PCDH9: variants seen among roughly 807,000 people sequenced by gnomAD.
The protein encoded by PCDH9 is protocadherin-9.
Under a neutral mutation model 70.6 loss-of-function variants are expected in PCDH9, and 24 were observed. The ratio of observed to expected loss-of-function variants is 0.34; its 90% confidence interval spans 0.25 to 0.48. The LOEUF is 0.48. Ranked by LOEUF, PCDH9 falls within the 20% of genes least tolerant of loss-of-function variation. The pLI, the probability that PCDH9 is intolerant of heterozygous loss-of-function variation, is 0.99. For missense variants in PCDH9, 1,281 were observed against 1,503.6 expected (o/e 0.85, Z 2.45); for synonymous variants, 562 against 558.5 (o/e 1.01, Z -0.09).
intron 2 of PCDH9, among the ~76,000 whole-genome samples, chr13:67,069,627 T>C (rs1680357057): frequency 6.6e-6 from 1 of 152,196 alleles, no homozygotes; most frequent in Non-Finnish European, 1.5e-5. Flanking sequence ...CTCACGCTAG[T>C]GCTTTTCACA....
intron 2 of PCDH9, chr13:67,202,180 A>G (rs1260320689): frequency 6.6e-6 from 1 of 152,132 alleles, no homozygotes; most frequent in African/African-American, 2.4e-5. Context: ...GAGAAGGACC[A>G]TTCAACCATC....
At chr13:67,212,363 T>A (rs1382150753) in intron 2 of PCDH9, 4 of 152,096 alleles carry the variant, frequency 2.6e-5, no homozygotes, top group Admixed American at 6.6e-5. Context: ...ATATTTTTTT[T>A]AATAAGGAAA....
intron 4 of PCDH9, among the ~76,000 whole-genome samples, chr13:66,532,000 T>C (rs1279111066): frequency 6.6e-6 from 1 of 152,142 alleles, no homozygotes; most frequent in African/African-American, 2.4e-5. Context: ...TTTGTTTTTG[T>C]TTGAGAGACA....
rs56054443 is a variant in PCDH9, at chr13:67,092,194, G to A, written c.3036+133211C>T. Among the ~76,000 whole-genome samples, 812 of 152,092 alleles carry A rather than the reference G, an allele frequency of 5.3e-3. 7 individuals carry two copies. Among genetic ancestry groups the A allele is most frequent in the African/African-American group, 0.019 (778 of 41,476 alleles). On this transcript the variant is annotated intron_variant, in intron 2 of 4. Transcript: ENST00000377865. ...TGGGTTGTTCTTAGATTTTTAAAAT[G>A]GAATTTTAAATTTCTTTATATCTAT...
chr13:66,509,363 G>A (rs1959352305), intron 4 of PCDH9, among the ~76,000 whole-genome samples: 1 of 152,184 alleles, frequency 6.6e-6, no homozygotes, highest in Admixed American at 6.5e-5. Flanking sequence ...CCCAGTCTCT[G>A]TGGGAGGTTA....
At position 66,504,463 on chromosome 13, in the gene PCDH9, G is replaced by A. The variant is rs115456913; in HGVS notation, c.3340+126747C>T. ...CCCAAAGTTCAGGTGGATTCCAGCT[G>A]AACACAGCTGCAAGAGTAAGCCCAG... On this transcript the variant is annotated intron_variant, in intron 4 of 4. Transcript: ENST00000377865. Among the ~76,000 whole-genome samples the A allele has an allele frequency of 7.7e-3, 1,169 of 152,250 alleles. 11 individuals carry two copies. The highest frequency in any genetic ancestry group is 0.027 in the African/African-American group (1,132 of 41,558).
intron 3 of PCDH9, among the ~76,000 whole-genome samples, chr13:66,743,399 A>G (rs1050841137): frequency 2.0e-4 from 29 of 144,386 alleles, no homozygotes; most frequent in South Asian, 1.9e-3. Flanking sequence ...AGGCTAGATG[A>G]CGAGTTAGTG....
rs746411543 is a variant in PCDH9, at chr13:66,304,686, G to A, written c.3683C>T (p.Ala1228Val). ...NLKSYKQAGGATESPKEHQL is the reference protein window; with the variant it reads ...NLKSYKQAGGVTESPKEHQL ...TTGGTGCTCCTTAGGACTCTCAGTAGCACCTCCTGCTTGCTTATAAGACTT... is the reference window on the plus strand; with the variant it reads ...TTGGTGCTCCTTAGGACTCTCAGTAACACCTCCTGCTTGCTTATAAGACTT... The change falls in exon 5 of 5, where the codon GCT becomes GTT. Residue 1228 changes from alanine to valine, a missense_variant. Transcript: ENST00000377865. The A allele has an allele frequency of 1.9e-6, 3 of 1,613,068 alleles. No homozygotes were observed. In the East Asian group the frequency reaches 6.7e-5, roughly 36 times the overall value.
At chr13:67,017,834 A>G (rs260169) in intron 2 of PCDH9, among the ~76,000 whole-genome samples, 114,610 of 152,000 alleles carry the variant, frequency 0.75, 43,713 homozygotes, top group East Asian at 0.97. Flanking sequence ...AAACATTTTT[A>G]CTGTACACAG....
At chr13:67,043,809 A>G (rs2085169520) in intron 2 of PCDH9, among the ~76,000 whole-genome samples, 1 of 152,150 alleles carries the variant, frequency 6.6e-6, no homozygotes, top group Non-Finnish European at 1.5e-5. Context: ...CTTCCAGTAC[A>G]ATAATCATGA....
intron 3 of PCDH9, among the ~76,000 whole-genome samples, chr13:66,660,069 G>A (rs140180548): frequency 1.2e-4 from 19 of 152,152 alleles, no homozygotes; most frequent in East Asian, 9.7e-4. Context: ...AGCTTTTCTC[G>A]GAGTTGAAAG....
chr13:67,111,283 T>C (rs2086653849), intron 2 of PCDH9, among the ~76,000 whole-genome samples: 1 of 152,230 alleles, frequency 6.6e-6, no homozygotes, highest in Non-Finnish European at 1.5e-5. Context: ...GTACGATTAA[T>C]ATATAGTCGT....
chr13:66,765,131 C>T (rs544333293), intron 3 of PCDH9, among the ~76,000 whole-genome samples: 40 of 151,528 alleles, frequency 2.6e-4, no homozygotes, highest in Admixed American at 5.3e-4. Context: ...CTCTCTGTCT[C>T]GCTCTCTCCC....
chr13:66,803,680 A>T (rs2080363216), intron 3 of PCDH9, among the ~76,000 whole-genome samples: 1 of 152,148 alleles, frequency 6.6e-6, no homozygotes, highest in Non-Finnish European at 1.5e-5. Flanking sequence ...TACAATAATG[A>T]TTCATTTCAT....
intron 2 of PCDH9, chr13:67,211,006 T>G (rs2089457334): frequency 1.3e-5 from 2 of 152,090 alleles, no homozygotes; most frequent in South Asian, 4.1e-4. Context: ...ATACCAACCT[T>G]TATTTAAATG....
chr13:67,037,877 G>A (rs374217345), intron 2 of PCDH9, among the ~76,000 whole-genome samples: 1 of 152,302 alleles, frequency 6.6e-6, no homozygotes, highest in East Asian at 1.9e-4. Context: ...AAAGAAGAAA[G>A]TTGAAAATGT....
chr13:66,653,290 A>T (rs553572339), intron 3 of PCDH9, among the ~76,000 whole-genome samples: 22 of 152,294 alleles, frequency 1.4e-4, no homozygotes, highest in African/African-American at 5.3e-4. Context: ...AGACTATATA[A>T]GGAGCTCAAA....
At chr13:66,838,629 T>A (rs1422202956) in intron 3 of PCDH9, among the ~76,000 whole-genome samples, 1 of 149,934 alleles carries the variant, frequency 6.7e-6, no homozygotes, top group Non-Finnish European at 1.5e-5. Flanking sequence ...AAAACTCTGG[T>A]ACATAAAAAC....
chr13:66,553,803 G>A (rs1186271928), intron 4 of PCDH9, among the ~76,000 whole-genome samples: 2 of 151,908 alleles, frequency 1.3e-5, no homozygotes, highest in African/African-American at 4.8e-5. Context: ...TTACACATTT[G>A]GAAACTATTT....
Sources: allele counts gnomAD v4.1 joint callset (sites outside exome capture counted in the v4.1 genomes callset), GRCh38; gene constraint gnomAD v4.1.1; transcripts MANE v1.5; gene names NCBI Gene and HGNC (gene_info 2026-07-23, HGNC 2026-07-21).